TMEM184B: variants seen among roughly 807,000 people sequenced by gnomAD.
TMEM184B encodes the protein putative MAPK-activating protein FM08.
Under a neutral mutation model 41.8 loss-of-function variants are expected in TMEM184B, and 17 were observed. The ratio of observed to expected loss-of-function variants is 0.41; its 90% CI spans 0.28 to 0.61. The LOEUF (loss-of-function observed/expected upper bound fraction) is 0.61, where lower values mean the gene tolerates loss of function less well. TMEM184B is among the 20% of genes least tolerant of loss of function. TMEM184B has a pLI of 0.34. For synonymous variants in TMEM184B, 240 were observed against 229.5 expected (o/e 1.05, Z -0.41); for missense variants, 393 against 557.8 (o/e 0.70, Z 2.98).
intron 1 of TMEM184B, among the ~76,000 whole-genome samples, chr22:38,265,304 A>C (rs894632667): frequency 1.2e-4 from 18 of 151,978 alleles, no homozygotes; most frequent in African/African-American, 4.3e-4. Context: ...TCCTCAGCTC[A>C]CCCCCAGGCA....
At chr22:38,259,558 C>T (rs1365172035) in intron 1 of TMEM184B, among the ~76,000 whole-genome samples, 4 of 152,040 alleles carry the variant, frequency 2.6e-5, no homozygotes, top group South Asian at 2.1e-4. Flanking sequence ...TTGCAGATGG[C>T]GAAAGGCGCC....
intron 3 of TMEM184B, among the ~76,000 whole-genome samples, chr22:38,232,909 C>G (rs1569024088): frequency 6.6e-6 from 1 of 152,250 alleles, no homozygotes; most frequent in African/African-American, 2.4e-5. Context: ...GGATGGCACC[C>G]AGTGTGACAA....
chr22:38,263,932 G>C (rs1415613404), intron 1 of TMEM184B, among the ~76,000 whole-genome samples: 1 of 152,186 alleles, frequency 6.6e-6, no homozygotes, highest in African/African-American at 2.4e-5. Flanking sequence ...AGCCTCCCGA[G>C]TAGCTGGGAT....
chr22:38,225,746 C>T lies in TMEM184B; in HGVS notation c.618-153G>A, dbSNP rs1446117511. 3.3e-5 allele frequency among the ~76,000 whole-genome samples: 5 copies of T among 152,154 alleles called. No individual in the cohort carries two copies. Among genetic ancestry groups the T allele is most frequent in the Admixed American group, 2.6e-4 (4 of 15,268 alleles). Reference sequence around the variant, plus strand: ...AAGGGGTCAGAATGGGTGATCAAAGCGACAGACAGGGGTGGGGGTACATGG... The same window carrying T: ...AAGGGGTCAGAATGGGTGATCAAAGTGACAGACAGGGGTGGGGGTACATGG... On this transcript the variant is annotated intron_variant, in intron 6 of 8. Transcript: ENST00000361906. This position sits in a 1 kb window ranked among gnomAD's most constrained non-coding sequence, Gnocchi z 4.4.
At chr22:38,224,331 G>A (rs2091359086) in intron 8 of TMEM184B, among the ~76,000 whole-genome samples, 1 of 152,182 alleles carries the variant, frequency 6.6e-6, no homozygotes, top group Non-Finnish European at 1.5e-5. Flanking sequence ...AGCCAGGATG[G>A]TCTCGATCTC....
chr22:38,231,577 CG>C, intron 3 of TMEM184B: 1 of 636,030 alleles, frequency 1.6e-6, no homozygotes, highest in Admixed American at 2.2e-5. Flanking sequence ...CCTGCACTGG[CG>C]TAATACTATG....
chr22:38,233,325 T>C (rs1464229016), intron 3 of TMEM184B, among the ~76,000 whole-genome samples: 1 of 152,132 alleles, frequency 6.6e-6, no homozygotes, highest in Non-Finnish European at 1.5e-5. Flanking sequence ...GTGAGCCTCT[T>C]TGGGTTCAGT....
intron 1 of TMEM184B, among the ~76,000 whole-genome samples, chr22:38,261,095 C>T (rs886853232): frequency 1.3e-5 from 2 of 152,178 alleles, no homozygotes; most frequent in Non-Finnish European, 2.9e-5. Context: ...CCACTCCAGC[C>T]GCCTGGGAAT....
At chr22:38,245,834 C>T (rs1252787361) in intron 3 of TMEM184B, 101 bp downstream of exon 3, 1 of 1,269,050 alleles carries the variant, frequency 7.9e-7, no homozygotes, top group African/African-American at 1.5e-5. Flanking sequence ...AGGGGTGTGT[C>T]AAGACAGTCC....
chr22:38,243,994 C>A (rs548834234), intron 3 of TMEM184B, among the ~76,000 whole-genome samples: 1 of 152,002 alleles, frequency 6.6e-6, no homozygotes, highest in Admixed American at 6.6e-5. Context: ...AGGGACCCCA[C>A]GCAGAGCAGA....
rs1441349762 is a variant in TMEM184B, at chr22:38,221,468, C to T, written c.*1G>A. 14 of 1,602,170 alleles carry T rather than the reference C, an allele frequency of 8.7e-6. No homozygotes were observed. The highest frequency in any genetic ancestry group is 1.2e-5 in the Non-Finnish European group (14 of 1,173,402). ...AGCACTTCCGCCACTGCAGCCCGCACCTAGAATTCATCATCAGAGCTGAGC... is the reference window on the plus strand; with the variant it reads ...AGCACTTCCGCCACTGCAGCCCGCATCTAGAATTCATCATCAGAGCTGAGC... On this transcript the variant is annotated 3_prime_UTR_variant, in exon 9 of 9. Transcript: ENST00000361906.
chr22:38,264,857 T>C (rs1393756704), intron 1 of TMEM184B, among the ~76,000 whole-genome samples: 7 of 152,154 alleles, frequency 4.6e-5, no homozygotes, highest in Admixed American at 3.3e-4. Context: ...GAAAGAACCC[T>C]TGTCAACCTC....
Position 38,226,931 on chromosome 22 carries a change from C to T in TMEM184B, c.526-61G>A. 1 of 1,502,776 alleles carries T rather than the reference C, an allele frequency of 6.7e-7. No homozygotes were observed. The highest frequency in any genetic ancestry group is 9.1e-7 in the Non-Finnish European group (1 of 1,103,308). The allele number at this position is 1,502,776 out of a possible 1,614,324, so 93.1% of individuals were successfully genotyped here. ...GAGCACAGAAGGCATGAAGCAAGCC[C>T]TGCCTCTGGCAGACGGAACTGTACC... On this transcript the variant is annotated intron_variant, in intron 5 of 8. Transcript: ENST00000361906. The surrounding 1 kb of genome is among the most constrained non-coding windows in gnomAD (Gnocchi z 4.6).
chr22:38,264,945 T>C (rs572571701), intron 1 of TMEM184B, among the ~76,000 whole-genome samples: 1 of 152,368 alleles, frequency 6.6e-6, no homozygotes, highest in East Asian at 1.9e-4. Flanking sequence ...TTACATGCTC[T>C]GAGGTTACTG....
intron 1 of TMEM184B, among the ~76,000 whole-genome samples, chr22:38,251,966 C>T (rs1465789084): frequency 6.6e-6 from 1 of 151,428 alleles, no homozygotes; most frequent in Non-Finnish European, 1.5e-5. Context: ...ATGATCACAG[C>T]TCACTGCAGC....
At chr22:38,222,129 C>T (rs971918135) in intron 8 of TMEM184B, 19 of 207,408 alleles carry the variant, frequency 9.2e-5, no homozygotes, top group Admixed American at 3.2e-4. Context: ...GTGCCAGGCG[C>T]GTCCCCCACC....
chr22:38,260,240 G>C (rs1482058507), intron 1 of TMEM184B, among the ~76,000 whole-genome samples: 1 of 152,016 alleles, frequency 6.6e-6, no homozygotes, highest in Non-Finnish European at 1.5e-5. Flanking sequence ...ATTTTTGTTA[G>C]AGACAGGGTT....
intron 1 of TMEM184B, among the ~76,000 whole-genome samples, chr22:38,251,711 A>T (rs2092166988): frequency 6.6e-6 from 1 of 152,144 alleles, no homozygotes; most frequent in Non-Finnish European, 1.5e-5. Flanking sequence ...CAGGACGTTC[A>T]CCTGGCACAG....
At chr22:38,271,875 A>C (rs905823720) in intron 1 of TMEM184B, among the ~76,000 whole-genome samples, 6 of 152,180 alleles carry the variant, frequency 3.9e-5, no homozygotes, top group African/African-American at 1.4e-4. Context: ...GGAAAGGGAC[A>C]CTGTAGGCAT....
Sources: gnomAD v4.1 joint callset for allele counts (sites outside exome capture counted in the v4.1 genomes callset) on GRCh38, gnomAD v4.1.1 for gene constraint, Gnocchi (gnomAD v3.1) non-coding constraint, MANE v1.5 for transcripts, NCBI Gene and HGNC (gene_info 2026-07-23, HGNC 2026-07-21) for gene names.